The following TNNI3K variants were observed in gnomAD, a reference collection of about 807,000 sequenced individuals.
The protein encoded by TNNI3K is serine/threonine-protein kinase TNNI3K.
Under a neutral mutation model 114.5 loss-of-function variants are expected in TNNI3K, and 140 were observed. The observed-to-expected ratio is 1.22, with a 90% CI of 1.07 to 1.41. The LOEUF is 1.41. Among genes scored for constraint, TNNI3K ranks in the 40% most tolerant of loss-of-function variants. The probability of loss-of-function intolerance (pLI) is 0.00; values close to 1 mark genes in which losing one functional copy is unlikely to be tolerated. For missense variants in TNNI3K, 1,125 were observed against 1,007.6 expected (o/e 1.12, Z -1.58); for synonymous variants, 347 against 347.5 (o/e 1.00, Z 0.02).
intron 17 of TNNI3K, chr1:74,416,586 A>C: frequency 1.0e-6 from 1 of 983,204 alleles, no homozygotes; most frequent in Non-Finnish European, 1.2e-6. Context: ...CAACAAAATT[A>C]ATATGCTTCT....
chr1:74,543,900 A>T lies in TNNI3K; in HGVS notation c.2432-6A>T, dbSNP rs1205280251. 6.2e-7 allele frequency: 1 copy of T among 1,613,498 alleles called. No homozygotes were observed. Among genetic ancestry groups the T allele is most frequent in the East Asian group, 2.2e-5 (1 of 44,834 alleles). ...AAGTAACAACTGAACTTCTTTTCTGATGCAGGCTATGTATCCGATCCCATG... is the reference window on the plus strand; with the variant it reads ...AAGTAACAACTGAACTTCTTTTCTGTTGCAGGCTATGTATCCGATCCCATG... On this transcript the variant is annotated splice_polypyrimidine_tract_variant and splice_region_variant and intron_variant, in intron 24 of 24. Coordinates refer to ENST00000326637, the MANE Select transcript of TNNI3K (RefSeq NM_015978.3).
intron 23 of TNNI3K, among the ~76,000 whole-genome samples, chr1:74,521,141 A>T (rs966836026): frequency 1.3e-5 from 2 of 152,202 alleles, no homozygotes; most frequent in Non-Finnish European, 1.5e-5. Context: ...AGAAGTTTGT[A>T]GAGCTGAAAT....
At chr1:74,256,457 C>G (rs1270778750) in intron 4 of TNNI3K, among the ~76,000 whole-genome samples, 1 of 151,234 alleles carries the variant, frequency 6.6e-6, no homozygotes, top group Non-Finnish European at 1.5e-5. Flanking sequence ...AATCTTTTTG[C>G]CATTTGTAAT....
chr1:74,479,943 A>G (rs1013424618), intron 21 of TNNI3K, among the ~76,000 whole-genome samples: 1 of 152,250 alleles, frequency 6.6e-6, no homozygotes, highest in Non-Finnish European at 1.5e-5. Context: ...ATTCTGGTCC[A>G]GGGCCCTTTC....
chr1:74,259,773 A>AAAAC (rs376373963), intron 4 of TNNI3K, among the ~76,000 whole-genome samples: 24 of 152,234 alleles, frequency 1.6e-4, no homozygotes, highest in Admixed American at 9.2e-4. Flanking sequence ...CCCTGTCTCA[A>AAAAC]AAACAAACAA....
intron 7 of TNNI3K, among the ~76,000 whole-genome samples, chr1:74,339,047 T>C (rs184960515): frequency 2.0e-5 from 3 of 152,154 alleles, no homozygotes; most frequent in African/African-American, 7.2e-5. Context: ...CCTTTCATTA[T>C]TGATGCCAAC....
intron 20 of TNNI3K, among the ~76,000 whole-genome samples, chr1:74,461,673 G>A (rs1667462121): frequency 6.6e-6 from 1 of 152,056 alleles, no homozygotes; most frequent in South Asian, 2.1e-4. Flanking sequence ...CCTAATTCTG[G>A]TGCAGATGTA....
At chr1:74,337,086 T>C (rs1379220753) in intron 7 of TNNI3K, among the ~76,000 whole-genome samples, 2 of 151,292 alleles carry the variant, frequency 1.3e-5, no homozygotes, top group African/African-American at 4.8e-5. Context: ...TGATTTGCAT[T>C]TCTCTGATGG....
chr1:74,353,438 G>A, intron 10 of TNNI3K, 78 bp downstream of exon 10: 1 of 1,528,082 alleles, frequency 6.5e-7, no homozygotes, highest in Non-Finnish European at 8.9e-7. Flanking sequence ...AGGGATGTGG[G>A]GGCATTGGGA....
At chr1:74,418,306 A>G (rs1034366869) in intron 17 of TNNI3K, 47 of 344,898 alleles carry the variant, frequency 1.4e-4, no homozygotes, top group Middle Eastern at 4.0e-4. Flanking sequence ...TCAGCCATAG[A>G]AGCCTGCCTC....
At chr1:74,280,610 C>A (rs188367568) in intron 5 of TNNI3K, among the ~76,000 whole-genome samples, 6 of 152,250 alleles carry the variant, frequency 3.9e-5, no homozygotes, top group Admixed American at 3.9e-4. Context: ...AGAATTCTGC[C>A]AGCCCCCATG....
chr1:74,479,297 C>T (rs2100248051), intron 21 of TNNI3K, among the ~76,000 whole-genome samples: 1 of 152,258 alleles, frequency 6.6e-6, no homozygotes, highest in Non-Finnish European at 1.5e-5. Context: ...ACTAATGACA[C>T]TAAGTGTCAT....
rs763533245 is a variant in TNNI3K at position 74,367,983 on chromosome 1, A to G, written c.1321+19A>G. On this transcript the variant is annotated intron_variant, in intron 13 of 24. Transcript: ENST00000326637. ...ACAAAAGGTACCTATAATCTGGGAC[A>G]ATTGTTATATTTAATTACTAAGGAT... 1.0e-5 allele frequency: 16 copies of G among 1,541,588 alleles called. No homozygotes were observed. The highest frequency in any genetic ancestry group is 2.2e-5 in the Admixed American group (1 of 45,322).
intron 11 of TNNI3K, among the ~76,000 whole-genome samples, chr1:74,354,865 T>G (rs1399595233): frequency 6.6e-6 from 1 of 152,186 alleles, no homozygotes; most frequent in Non-Finnish European, 1.5e-5. Context: ...TTTAGTGTGA[T>G]AACAGTGGGA....
intron 5 of TNNI3K, among the ~76,000 whole-genome samples, chr1:74,317,191 C>T (rs1659361216): frequency 6.6e-6 from 1 of 152,166 alleles, no homozygotes; most frequent in South Asian, 2.1e-4. Flanking sequence ...ACAATATTTG[C>T]TGAAAGTATA....
intron 17 of TNNI3K, among the ~76,000 whole-genome samples, chr1:74,394,892 C>A (rs1018285963): frequency 1.3e-5 from 2 of 151,720 alleles, no homozygotes; most frequent in Non-Finnish European, 2.9e-5. Flanking sequence ...AAAATACAAA[C>A]AATTAGCCAG....
At position 74,544,097 on chromosome 1, in the gene TNNI3K, T is replaced by A. The variant is rs975602604; in HGVS notation, c.*115T>A. ...TTTACTCTCAAAGGTCTCCTTAAATTGGGCTTGTTTTTACTTGTCCTATTT... is the reference window on the plus strand; with the variant it reads ...TTTACTCTCAAAGGTCTCCTTAAATAGGGCTTGTTTTTACTTGTCCTATTT... On this transcript the variant is annotated 3_prime_UTR_variant, in exon 25 of 25. Transcript: ENST00000326637. The A allele has an allele frequency of 4.2e-6, 5 of 1,184,134 alleles. No individual in the cohort carries two copies. Among genetic ancestry groups the A allele is most frequent in the East Asian group, 5.4e-5 (2 of 36,796 alleles). 73.4% of individuals were successfully genotyped at this position (1,184,134 alleles called of 1,614,324 possible).
intron 21 of TNNI3K, among the ~76,000 whole-genome samples, chr1:74,481,559 G>A (rs1668504788): frequency 6.6e-6 from 1 of 152,216 alleles, no homozygotes; most frequent in African/African-American, 2.4e-5. Flanking sequence ...GACAACCCAA[G>A]TACCTGTCAG....
chr1:74,419,017 A>T (rs1161832651), intron 17 of TNNI3K, among the ~76,000 whole-genome samples: 1 of 152,048 alleles, frequency 6.6e-6, no homozygotes, highest in Admixed American at 6.6e-5. Flanking sequence ...CAGTCCATCT[A>T]TATTAGTTTC....
Sources: gnomAD v4.1 joint callset for allele counts (sites outside exome capture counted in the v4.1 genomes callset) on GRCh38, gnomAD v4.1.1 for gene constraint, MANE v1.5 for transcripts, NCBI Gene and HGNC (gene_info 2026-07-23, HGNC 2026-07-21) for gene names.